Variants in SEPTIN8 observed in about 807,000 individuals in gnomAD.
SEPTIN8 encodes septin 8.
In SEPTIN8, 22 loss-of-function variants were observed where a neutral mutation model predicts 53.1. The observed-to-expected ratio is 0.41, with a 90% CI of 0.30 to 0.59. The LOEUF (loss-of-function observed/expected upper bound fraction) is 0.59. Among genes scored for constraint, SEPTIN8 ranks in the 20% least tolerant of loss-of-function variants. SEPTIN8 has a pLI of 0.24. For synonymous variants in SEPTIN8, 228 were observed against 248.4 expected (o/e 0.92, Z 0.77); for missense variants, 536 against 638.7 (o/e 0.84, Z 1.73).
In SEPTIN8 at chr5:132,762,440, C is replaced by T. The variant is rs773132305; in HGVS notation, c.696+44G>A. On this transcript the variant is annotated intron_variant, in intron 5 of 9. Coordinates refer to ENST00000378719, the MANE Select transcript of SEPTIN8 (RefSeq NM_001098811.2). ...CTGTGTCAGATCTGTGCCGGCTCCT[C>T]GCCCTCTGGCCCCAGGGCCCTGAGG... 8.2e-6 allele frequency: 13 copies of T among 1,593,156 alleles called. No individual in the cohort carries two copies. In the African/African-American group the frequency reaches 1.1e-4, roughly 13 times the overall value.
intron 9 of SEPTIN8, chr5:132,754,188 G>C: frequency 2.0e-6 from 1 of 509,716 alleles, no homozygotes. Context: ...CTTATTTTGA[G>C]CTACCATGCA....
In SEPTIN8 at chr5:132,751,100, T is replaced by C; in HGVS notation, c.*916A>G. On this transcript the variant is annotated 3_prime_UTR_variant, in exon 10 of 10. Transcript: ENST00000378719. Reference sequence around the variant, plus strand: ...CAAAGCACAGGCGTGCACACGCCCTTGCACATGCACCACAGTGAGGTGACG... The same window carrying C: ...CAAAGCACAGGCGTGCACACGCCCTCGCACATGCACCACAGTGAGGTGACG... The C allele has an allele frequency of 3.0e-6, 4 of 1,321,860 alleles. 1 individual carries two copies. In the South Asian group the frequency reaches 5.5e-5, roughly 18 times the overall value. 81.9% of individuals were successfully genotyped at this position (1,321,860 alleles called of 1,614,324 possible).
Position 132,764,411 on chromosome 5 carries a change from C to T in SEPTIN8, c.160G>A (p.Gly54Ser), listed in dbSNP as rs556710546. The change falls in exon 3 of 10, where the codon GGC becomes AGC. Residue 54 changes from glycine to serine, a missense_variant. Around this residue, in one of 3 missense-constraint regions of SEPTIN8, gnomAD observed 395 missense variants for 451.8 expected, o/e 0.87. Coordinates refer to ENST00000378719, the MANE Select transcript of SEPTIN8 (RefSeq NM_001098811.2). Reference sequence around the variant, plus strand: ...TTCATCAGTGTGGATTTGCCAATGCCGGTCTCCCCTGGGCAGTGAGGACAG... The same window carrying T: ...TTCATCAGTGTGGATTTGCCAATGCTGGTCTCCCCTGGGCAGTGAGGACAG... ...SFNILCVGET[G>S]IGKSTLMNTL... 9.3e-6 allele frequency: 15 copies of T among 1,612,738 alleles called. No individual in the cohort carries two copies. Among genetic ancestry groups the T allele is most frequent in the East Asian group, 2.2e-5 (1 of 44,866 alleles).
intron 2 of SEPTIN8, among the ~76,000 whole-genome samples, chr5:132,765,073 T>C (rs1756446194): frequency 6.6e-6 from 1 of 151,996 alleles, no homozygotes; most frequent in Non-Finnish European, 1.5e-5. Flanking sequence ...CATAACGTCC[T>C]TGACACAGGG....
At chr5:132,777,886 C>G (rs1757938352), upstream of SEPTIN8, 1 of 985,378 alleles carries the variant, frequency 1.0e-6, no homozygotes, top group East Asian at 1.1e-4. This position sits in a 1 kb window ranked among gnomAD's most constrained non-coding sequence, Gnocchi z 4.1. Context: ...GCAGTTTAGG[C>G]TGGGATTCCT....
chr5:132,767,152 C>T (rs979959644), intron 1 of SEPTIN8, among the ~76,000 whole-genome samples: 1 of 152,198 alleles, frequency 6.6e-6, no homozygotes, highest in Non-Finnish European at 1.5e-5. Flanking sequence ...CATCATGTCC[C>T]AATCTCCCCA....
intron 9 of SEPTIN8, chr5:132,756,292 G>A (rs983571438): frequency 7.1e-5 from 70 of 984,432 alleles, no homozygotes; most frequent in African/African-American, 6.6e-4. Context: ...TTTCCACATC[G>A]GCCTGGGACA....
chr5:132,763,951 G>C (rs577470052), intron 3 of SEPTIN8, 59 bp from the exon 4 acceptor site: 56 of 1,485,616 alleles, frequency 3.8e-5, no homozygotes, highest in African/African-American at 1.1e-4. Flanking sequence ...TTGGGGCTTG[G>C]GGGGCTCAGG....
intron 1 of SEPTIN8, among the ~76,000 whole-genome samples, chr5:132,770,091 A>G (rs1255160105): frequency 3.1e-4 from 11 of 35,830 alleles, no homozygotes; most frequent in Non-Finnish European, 4.0e-4. Context: ...GTATATATGT[A>G]TATATATATG....
intron 9 of SEPTIN8, chr5:132,756,263 C>G: frequency 1.0e-6 from 1 of 985,344 alleles, no homozygotes; most frequent in Non-Finnish European, 1.2e-6. Flanking sequence ...TCAGGGTACC[C>G]ACAACTAGAA....
intron 9 of SEPTIN8, chr5:132,753,027 ACT>A: frequency 7.3e-7 from 1 of 1,361,422 alleles, no homozygotes; most frequent in Non-Finnish European, 1.0e-6. Flanking sequence ...CCTTGCTTGG[ACT>A]ACCATGAGTT....
Position 132,762,628 on chromosome 5 carries a change from G to C in SEPTIN8, c.552C>G (p.Ile184Met), listed in dbSNP as rs781289564. 1.2e-6 allele frequency: 2 copies of C among 1,614,238 alleles called. No individual in the cohort carries two copies. The highest frequency in any genetic ancestry group is 2.2e-5 in the South Asian group (2 of 91,082). Residue 184 changes from isoleucine to methionine, a missense_variant, in exon 5 of 10, where the codon ATC (isoleucine) becomes ATG (methionine). This residue lies in a region of SEPTIN8 where 395 missense variants were observed against 451.8 expected (regional missense o/e 0.87). Transcript: ENST00000378719. ...TGGAGATGGTGTCAGCCTTGGCGAT[G>C]ATGGGAATAATGTTCACCTGCCAGG... Reference protein sequence around the residue: ...KLDSKVNIIPIIAKADTISKS... With the variant: ...KLDSKVNIIPMIAKADTISKS...
In SEPTIN8 at chr5:132,762,538, G is replaced by T. The variant is rs1345416736; in HGVS notation, c.642C>A (p.Ile214=). 6.2e-7 allele frequency: 1 copy of T among 1,614,106 alleles called. No individual in the cohort carries two copies. The highest frequency in any genetic ancestry group is 8.5e-7 in the Non-Finnish European group (1 of 1,180,024). Residue 214 remains isoleucine (I), a synonymous_variant, in exon 5 of 10, where the codon ATC becomes ATA. Transcript: ENST00000378719. ...MGELVSNGVQ[I]YQFPTDDEAV... ...CCTCATCATCCGTGGGGAACTGGTAGATCTGGACCCCGTTGCTGACCAACT... is the reference window on the plus strand; with the variant it reads ...CCTCATCATCCGTGGGGAACTGGTATATCTGGACCCCGTTGCTGACCAACT...
Position 132,760,695 on chromosome 5 carries a change from G to T in SEPTIN8, c.1286+107C>A. ...ATGAGGGAAAACCAAACAGGAAAGG[G>T]GTAAGAGAGGGCGAGCAGGAGAGCG... On this transcript the variant is annotated intron_variant, in intron 9 of 9. Coordinates refer to ENST00000378719, the MANE Select transcript of SEPTIN8 (RefSeq NM_001098811.2). This position sits in a 1 kb window ranked among gnomAD's most constrained non-coding sequence, Gnocchi z 5.2. 2 of 1,069,212 alleles carry T rather than the reference G, an allele frequency of 1.9e-6. No homozygotes were observed. The highest frequency in any genetic ancestry group is 2.7e-6 in the Non-Finnish European group (2 of 733,258). 66.2% of individuals were successfully genotyped at this position (1,069,212 alleles called of 1,614,324 possible). A position where few individuals can be genotyped will look rare whatever the true frequency, so the allele number is the denominator to read the frequency against.
intron 1 of SEPTIN8, among the ~76,000 whole-genome samples, chr5:132,767,362 T>G (rs1283304113): frequency 6.6e-6 from 1 of 152,134 alleles, no homozygotes; most frequent in African/African-American, 2.4e-5. Flanking sequence ...GAGCTCTCTT[T>G]TCAAACTCTG....
chr5:132,761,661 C>T lies in SEPTIN8; in HGVS notation c.794-35G>A. On this transcript the variant is annotated intron_variant, in intron 6 of 9. Coordinates refer to ENST00000378719, the MANE Select transcript of SEPTIN8 (RefSeq NM_001098811.2). This position sits in a 1 kb window ranked among gnomAD's most constrained non-coding sequence, Gnocchi z 5.8. ...GAGGGCCGGTGGGGTATCAGGCAGG[C>T]ATGCAGGCGGGCACACTCCAGAGTC... 1 of 1,609,128 alleles carries T rather than the reference C, an allele frequency of 6.2e-7. No homozygotes were observed.
chr5:132,765,334 CAG>C, intron 2 of SEPTIN8, 73 bp downstream of exon 2: 10 of 1,552,882 alleles, frequency 6.4e-6, no homozygotes, highest in African/African-American at 1.4e-5. Flanking sequence ...TGCAGCTCAA[CAG>C]GGGGCCAGAA....
intron 1 of SEPTIN8, among the ~76,000 whole-genome samples, chr5:132,770,233 G>A (rs1165430514): frequency 6.7e-6 from 1 of 149,258 alleles, no homozygotes; most frequent in African/African-American, 2.5e-5. Flanking sequence ...ACCCAGGCTG[G>A]AGTGGTGTGA....
At chr5:132,755,987 AAAG>A in intron 9 of SEPTIN8, 1 of 985,450 alleles carries the variant, frequency 1.0e-6, no homozygotes, top group Non-Finnish European at 1.2e-6. Context: ...ACTGCCCAAA[AAAG>A]ACACCACAAA....
Sources: allele counts gnomAD v4.1 joint callset (sites outside exome capture counted in the v4.1 genomes callset), GRCh38; gene constraint gnomAD v4.1.1; regional missense constraint gnomAD v4.1.1; non-coding constraint Gnocchi (gnomAD v3.1); transcripts MANE v1.5; gene names NCBI Gene and HGNC (gene_info 2026-07-23, HGNC 2026-07-21).